DAB1: variants seen among roughly 807,000 people sequenced by gnomAD.
DAB1 encodes the protein DAB adaptor protein 1.
DAB1 carries 15 observed loss-of-function variants against 64.6 expected under a neutral mutation model. That is an observed-to-expected ratio of 0.23 (90% CI 0.16 to 0.36). The LOEUF is 0.36. Ranked by LOEUF, DAB1 falls within the 10% of genes least tolerant of loss-of-function variation. The pLI is 1.00. For missense variants in DAB1, 596 were observed against 706.7 expected (o/e 0.84, Z 1.78); for synonymous variants, 235 against 251.9 (o/e 0.93, Z 0.64).
At chr1:57,712,369 T>C (rs1348736822) in intron 6 of DAB1, among the ~76,000 whole-genome samples, 1 of 152,216 alleles carries the variant, frequency 6.6e-6, no homozygotes, top group Middle Eastern at 3.2e-3. Context: ...GATTAACTCA[T>C]AGAGATATAG....
At chr1:57,423,369 C>A (rs569940254) in intron 1 of DAB1, among the ~76,000 whole-genome samples, 1 of 152,070 alleles carries the variant, frequency 6.6e-6, no homozygotes, top group African/African-American at 2.4e-5. Context: ...CTCACGGTGC[C>A]CGCGAAAGGG....
chr1:57,353,277 A>G (rs1023097890), intron 1 of DAB1, among the ~76,000 whole-genome samples: 10 of 151,966 alleles, frequency 6.6e-5, no homozygotes, highest in Non-Finnish European at 1.5e-5. Flanking sequence ...AGTGCTCCAC[A>G]TGACCCAGAC....
Position 57,689,750 on chromosome 1 carries a change from T to C in DAB1, n.552-40085A>G, listed in dbSNP as rs1646741573. ...TACCCATCCCAACAAGCATTTATCTTTGTGTTACAAATAATCCAATTATAC... is the reference window on the plus strand; with the variant it reads ...TACCCATCCCAACAAGCATTTATCTCTGTGTTACAAATAATCCAATTATAC... On this transcript the variant is annotated intron_variant and non_coding_transcript_variant, in intron 6 of 20. Transcript: ENST00000485760. 2.6e-5 allele frequency among the ~76,000 whole-genome samples: 4 copies of C among 152,218 alleles called. No individual in the cohort carries two copies. The South Asian group carries it at 8.3e-4, about 32-fold the overall frequency.
intron 7 of DAB1, among the ~76,000 whole-genome samples, chr1:57,550,717 T>C (rs1558484038): frequency 6.6e-6 from 1 of 152,220 alleles, no homozygotes; most frequent in Non-Finnish European, 1.5e-5. Flanking sequence ...CTGAATTCCC[T>C]GAGTGCGTTA....
At position 58,333,285 on chromosome 1, in the gene DAB1, C is replaced by T. The variant is rs150039151; in HGVS notation, n.309+10067G>A. Reference sequence around the variant, plus strand: ...ATCAACAGTGGTAGGGGAGGAATCACGTGAGAAGATGGTGGCTCCTGTAGA... The same window carrying T: ...ATCAACAGTGGTAGGGGAGGAATCATGTGAGAAGATGGTGGCTCCTGTAGA... On this transcript the variant is annotated intron_variant and non_coding_transcript_variant, in intron 4 of 20. Transcript: ENST00000485760. Among the ~76,000 whole-genome samples, 41 of 151,910 alleles carry T rather than the reference C, an allele frequency of 2.7e-4. 1 individual carries two copies. In the East Asian group the frequency reaches 6.8e-3, roughly 25 times the overall value.
At chr1:57,934,688 C>T (rs1459338098) in intron 5 of DAB1, among the ~76,000 whole-genome samples, 2 of 152,136 alleles carry the variant, frequency 1.3e-5, no homozygotes, top group African/African-American at 4.8e-5. Context: ...CTGATGAACC[C>T]AGGATCTGAA....
intron 4 of DAB1, among the ~76,000 whole-genome samples, chr1:57,129,106 A>G (rs1226009468): frequency 6.6e-6 from 1 of 152,162 alleles, no homozygotes; most frequent in East Asian, 1.9e-4. Flanking sequence ...TACTACCACC[A>G]TACCTTTTTA....
rs1385743264 is a variant in DAB1, at chr1:58,445,780, T to G, written n.257+60280A>C. Among the ~76,000 whole-genome samples, 3 of 152,158 alleles carry G rather than the reference T, an allele frequency of 2.0e-5. No homozygotes were observed. The East Asian group carries it at 5.8e-4, about 29-fold the overall frequency. The stretch of plus-strand genomic sequence containing the variant: ...TGTGATATCTGGTAAAGGCTTTCTA[T>G]AGGAATCACTCCACTTGTTATTCCC... On this transcript the variant is annotated intron_variant and non_coding_transcript_variant, in intron 3 of 20. Coordinates refer to the DAB1 transcript ENST00000485760.
At chr1:57,595,804 C>G (rs775757561) in intron 7 of DAB1, among the ~76,000 whole-genome samples, 1 of 152,030 alleles carries the variant, frequency 6.6e-6, no homozygotes, top group Non-Finnish European at 1.5e-5. Context: ...ATGTGTAGCA[C>G]CTCCCCACCT....
intron 2 of DAB1, among the ~76,000 whole-genome samples, chr1:58,521,229 T>A (rs1012656620): frequency 2.6e-5 from 4 of 151,706 alleles, no homozygotes; most frequent in African/African-American, 9.7e-5. Flanking sequence ...AAAACAAGAA[T>A]ACATTTTAAA....
At chr1:57,449,969 G>GAGCC (rs2101151678) in intron 7 of DAB1, among the ~76,000 whole-genome samples, 1 of 152,286 alleles carries the variant, frequency 6.6e-6, no homozygotes, top group African/African-American at 2.4e-5. Context: ...AGACAGCTAT[G>GAGCC]AGCCCATCCT....
Position 58,126,163 on chromosome 1 carries a change from G to C in DAB1, n.387+24348C>G, listed in dbSNP as rs538806331. 3.3e-5 allele frequency among the ~76,000 whole-genome samples: 5 copies of C among 152,282 alleles called. No homozygotes were observed. In the South Asian group the frequency reaches 1.0e-3, roughly 32 times the overall value. On this transcript the variant is annotated intron_variant and non_coding_transcript_variant, in intron 5 of 20. Coordinates refer to the DAB1 transcript ENST00000485760. ...TCCCACAGAATGTGCTATCCAAAAA[G>C]AAAAGGCCTTAAAGAACCCACTTGG...
intron 5 of DAB1, among the ~76,000 whole-genome samples, chr1:57,920,832 AT>A (rs1454219629): frequency 6.6e-6 from 1 of 152,108 alleles, no homozygotes; most frequent in East Asian, 1.9e-4. Context: ...ACCACTTTGG[AT>A]TGTTGCTGGG....
At chr1:58,025,570 C>T (rs1000597718) in intron 5 of DAB1, among the ~76,000 whole-genome samples, 2 of 135,632 alleles carry the variant, frequency 1.5e-5, no homozygotes, top group South Asian at 2.3e-4. Context: ...AGAGAGAGAG[C>T]CTTTCATATA....
chr1:58,035,013 T>A (rs1647023551), intron 5 of DAB1, among the ~76,000 whole-genome samples: 2 of 152,188 alleles, frequency 1.3e-5, no homozygotes, highest in Non-Finnish European at 2.9e-5. Flanking sequence ...CACCCTGTCT[T>A]TAGACTTTGG....
At chr1:58,190,191 C>A (rs1657308806) in intron 4 of DAB1, among the ~76,000 whole-genome samples, 1 of 152,154 alleles carries the variant, frequency 6.6e-6, no homozygotes, top group Admixed American at 6.5e-5. Flanking sequence ...GTAAAGGACT[C>A]TAAATTCAGT....
chr1:57,757,198 A>ATTTTTTTTTTTTTT (rs375166170), intron 6 of DAB1, among the ~76,000 whole-genome samples: 2 of 90,090 alleles, frequency 2.2e-5, no homozygotes, highest in African/African-American at 6.1e-5. Context: ...CAGGGGCAGA[A>ATTTTTTTTTTTTTT]TTTTTTTTTT....
chr1:57,564,548 G>C (rs1645093520), intron 7 of DAB1, among the ~76,000 whole-genome samples: 1 of 152,134 alleles, frequency 6.6e-6, no homozygotes, highest in South Asian at 2.1e-4. Context: ...AAGATTAGAT[G>C]AATGGCCAAC....
chr1:58,146,227 A>AT (rs1654584700), intron 5 of DAB1, among the ~76,000 whole-genome samples: 1 of 152,126 alleles, frequency 6.6e-6, no homozygotes, highest in Admixed American at 6.5e-5. Context: ...TTTTGACTTC[A>AT]TGGGGGGTTG....
Sources: allele counts gnomAD v4.1 joint callset (sites outside exome capture counted in the v4.1 genomes callset), GRCh38; gene constraint gnomAD v4.1.1; transcripts MANE v1.5; gene names NCBI Gene and HGNC (gene_info 2026-07-23, HGNC 2026-07-21).